ZNF131: variants seen among roughly 807,000 people sequenced by gnomAD.
ZNF131 encodes zinc finger and BTB domain containing 35, also known as zinc finger protein 131.
A neutral mutation model predicts 60.0 loss-of-function variants in ZNF131; 7 were observed. That is an observed-to-expected ratio of 0.12 (90% confidence interval 0.07 to 0.22). The LOEUF (loss-of-function observed/expected upper bound fraction) is 0.22. Ranked by LOEUF, ZNF131 falls within the 10% of genes least tolerant of loss-of-function variation. ZNF131 has a pLI of 1.00. For missense variants in ZNF131, 493 were observed against 740.9 expected (o/e 0.67, Z 3.88); for synonymous variants, 257 against 253.2 (o/e 1.01, Z -0.14).
At chr5:43,147,713 G>A (rs184926756) in intron 4 of ZNF131, among the ~76,000 whole-genome samples, 7,746 of 149,122 alleles carry the variant, frequency 0.052, 340 homozygotes, top group Non-Finnish European at 0.071. Flanking sequence ...GAGCCACCGC[G>A]CCCGGCCAGT....
chr5:43,150,288 A>G (rs1748134042), intron 4 of ZNF131, among the ~76,000 whole-genome samples: 1 of 152,230 alleles, frequency 6.6e-6, no homozygotes, highest in Non-Finnish European at 1.5e-5. Context: ...CTGTTTTCCA[A>G]AGTCCTTTGC....
intron 3 of ZNF131, chr5:43,124,962 C>G (rs972220008): frequency 3.4e-5 from 5 of 147,270 alleles, no homozygotes; most frequent in Non-Finnish European, 4.5e-5. Flanking sequence ...CCCAGGAGGT[C>G]AAAGCTGCAG....
At chr5:43,143,278 C>T in intron 4 of ZNF131, 1 of 824,708 alleles carries the variant, frequency 1.2e-6, no homozygotes, top group Non-Finnish European at 1.6e-6. Context: ...GCCTCTGCCT[C>T]CCAAAGTGCT....
In ZNF131 at chr5:43,175,708, T is replaced by C. The variant is rs536742615; in HGVS notation, c.*575T>C. The C allele has an allele frequency of 2.0e-4, 64 of 315,666 alleles. No homozygotes were observed. Among genetic ancestry groups the C allele is most frequent in the African/African-American group, 1.6e-3 (57 of 36,084 alleles). 19.6% of individuals were successfully genotyped at this position (315,666 alleles called of 1,614,324 possible). ...ACAGAAAGAGTGGTGGTGGCAAAAT[T>C]TCTAGAATGTTAAAAAAAAAAAAAA... On this transcript the variant is annotated 3_prime_UTR_variant, in exon 7 of 7. Transcript: ENST00000682664.
At chr5:43,143,865 TGGCC>T (rs1747177288) in intron 4 of ZNF131, among the ~76,000 whole-genome samples, 1 of 145,086 alleles carries the variant, frequency 6.9e-6, no homozygotes, top group Non-Finnish European at 1.5e-5. Flanking sequence ...TGCATGTGTA[TGGCC>T]CTCTAGGTTC....
Position 43,131,208 on chromosome 5 carries a change from C to T in ZNF131, c.226+7898C>T, listed in dbSNP as rs146316558. Among the ~76,000 whole-genome samples the T allele has an allele frequency of 7.9e-3, 1,191 of 150,010 alleles. 18 individuals carry two copies. Among genetic ancestry groups the T allele is most frequent in the African/African-American group, 0.028 (1,136 of 40,774 alleles). On this transcript the variant is annotated intron_variant, in intron 3 of 6. Coordinates refer to ENST00000682664, the MANE Select transcript of ZNF131 (RefSeq NM_001330707.2). ...TTTTATTTTGAGATGGAGTTTTGCT[C>T]GTTGCCCAAGCTGGAGTGCAAAGGT... is the stretch of plus-strand genomic sequence containing the variant.
chr5:43,143,898 C>CCTTTTT (rs1747189766), intron 4 of ZNF131, among the ~76,000 whole-genome samples: 1 of 34,974 alleles, frequency 2.9e-5, no homozygotes, highest in Admixed American at 4.7e-4. Flanking sequence ...ATTGTCAGAG[C>CCTTTTT]TTTTTTTTTT....
chr5:43,121,789 G>T (rs911041428), intron 1 of ZNF131: 2 of 292,256 alleles, frequency 6.8e-6, no homozygotes, highest in African/African-American at 2.2e-5. Context: ...CCGGCGCTGT[G>T]CCCACCCCGC....
At chr5:43,132,830 CAAAT>C (rs1276481000) in intron 3 of ZNF131, among the ~76,000 whole-genome samples, 1 of 152,234 alleles carries the variant, frequency 6.6e-6, no homozygotes, top group Admixed American at 6.5e-5. Flanking sequence ...TTTCTTTACA[CAAAT>C]AGAGGATACT....
chr5:43,125,087 T>C (rs747507431), intron 3 of ZNF131: 6 of 151,328 alleles, frequency 4.0e-5, no homozygotes, highest in Non-Finnish European at 7.4e-5. Context: ...TATCATGTAC[T>C]ATGTTAGACC....
chr5:43,172,863 A>G (rs1291195236), intron 5 of ZNF131, among the ~76,000 whole-genome samples: 2 of 151,890 alleles, frequency 1.3e-5, no homozygotes, highest in Admixed American at 6.6e-5. Flanking sequence ...CATGTATTTC[A>G]TCTTTATACC....
chr5:43,121,461 CT>C (rs1245047615), intron 1 of ZNF131: 2 of 152,492 alleles, frequency 1.3e-5, no homozygotes, highest in African/African-American at 4.8e-5. Flanking sequence ...GGCCCGTTCC[CT>C]TGCTGGTCGG....
At chr5:43,166,777 C>CAT (rs1750422090) in intron 5 of ZNF131, among the ~76,000 whole-genome samples, 1 of 152,118 alleles carries the variant, frequency 6.6e-6, no homozygotes, top group African/African-American at 2.4e-5. Flanking sequence ...GCCTCAGCCT[C>CAT]CCGAGTAGCT....
chr5:43,136,178 T>C (rs1391076716), intron 3 of ZNF131, among the ~76,000 whole-genome samples: 3 of 152,198 alleles, frequency 2.0e-5, no homozygotes, highest in Non-Finnish European at 4.4e-5. Flanking sequence ...ACGGAAATGC[T>C]TGTTGGAGCA....
chr5:43,141,778 A>C (rs973450804), intron 4 of ZNF131, among the ~76,000 whole-genome samples: 2 of 151,802 alleles, frequency 1.3e-5, no homozygotes, highest in Non-Finnish European at 2.9e-5. Context: ...AAAAAAAAAA[A>C]AAACTGGAAT....
At chr5:43,123,389 T>C in intron 3 of ZNF131, 79 bp downstream of exon 3, 1 of 1,247,730 alleles carries the variant, frequency 8.0e-7, no homozygotes, top group East Asian at 2.5e-5. Flanking sequence ...AATACAATAC[T>C]TAGCAAACAA....
rs765959932 is a variant in ZNF131 at position 43,130,263 on chromosome 5, C to CAAAAAAAAAAAAAAAAAAAAAAAAAA, written c.226+6953_226+6954insAAAAAAAAAAAAAAAAAAAAAAAAAA. Among the ~76,000 whole-genome samples, 215 of 33,080 alleles carry CAAAAAAAAAAAAAAAAAAAAAAAAAA rather than the reference C, an allele frequency of 6.5e-3. 44 individuals are homozygous for CAAAAAAAAAAAAAAAAAAAAAAAAAA. The highest frequency in any genetic ancestry group is 0.048 in the Middle Eastern group (2 of 42). The allele number at this position is 33,080 out of a possible 152,430, so 21.7% of individuals were successfully genotyped here. On this transcript the variant is annotated intron_variant, in intron 3 of 6. Transcript: ENST00000682664. ...TGAGCGATAGAGTAAGACTCTGTCTCCAAAAAAAAAAAAAAAAAAGAGGAA... is the reference window on the plus strand; with the variant it reads ...TGAGCGATAGAGTAAGACTCTGTCTCAAAAAAAAAAAAAAAAAAAAAAAAAACAAAAAAAAAAAAAAAAAAGAGGAA...
At chr5:43,142,319 G>A (rs1027777583) in intron 4 of ZNF131, among the ~76,000 whole-genome samples, 1 of 144,782 alleles carries the variant, frequency 6.9e-6, no homozygotes, top group African/African-American at 2.5e-5. Flanking sequence ...TCCAGCCTGG[G>A]CAACAGAGCA....
intron 4 of ZNF131, among the ~76,000 whole-genome samples, chr5:43,150,061 G>A (rs895701452): frequency 1.3e-5 from 2 of 152,140 alleles, no homozygotes; most frequent in African/African-American, 4.8e-5. Context: ...AGTGTTTCTT[G>A]TTCCCTGTCC....
Sources: gnomAD v4.1 joint callset for allele counts (sites outside exome capture counted in the v4.1 genomes callset) on GRCh38, gnomAD v4.1.1 for gene constraint, MANE v1.5 for transcripts, NCBI Gene and HGNC (gene_info 2026-07-23, HGNC 2026-07-21) for gene names.